USH2A: variants seen among roughly 807,000 people sequenced by gnomAD.
USH2A encodes the protein usherin.
USH2A carries 443 observed loss-of-function variants against 538.9 expected under a neutral mutation model. The observed-to-expected ratio is 0.82, with a 90% confidence interval of 0.76 to 0.89. The LOEUF is 0.89. Among genes scored for constraint, USH2A ranks in the 40% least tolerant of loss-of-function variants. The probability of loss-of-function intolerance (pLI) is 0.00; values close to 1 mark genes in which losing one functional copy is unlikely to be tolerated. For synonymous variants in USH2A, 2,413 were observed against 2,273.5 expected (o/e 1.06, Z -1.75); for missense variants, 6,633 against 6,324.8 (o/e 1.05, Z -1.65).
chr1:216,048,040 T>A (rs781000347), intron 31 of USH2A, among the ~76,000 whole-genome samples: 1 of 152,222 alleles, frequency 6.6e-6, no homozygotes, highest in Non-Finnish European at 1.5e-5. Flanking sequence ...AAGCAGTGAT[T>A]AATAATGCCT....
chr1:216,210,969 C>T (rs1465655113), intron 15 of USH2A, among the ~76,000 whole-genome samples: 1 of 142,992 alleles, frequency 7.0e-6, no homozygotes, highest in East Asian at 2.2e-4. Flanking sequence ...CAGAGCGAGA[C>T]TCTGTCTAAA....
chr1:216,400,202 C>T (rs575692674), intron 3 of USH2A, among the ~76,000 whole-genome samples: 113 of 118,920 alleles, frequency 9.5e-4, no homozygotes, highest in Non-Finnish European at 1.4e-3. Flanking sequence ...GAAACCCCAG[C>T]ATAGAAATAG....
intron 43 of USH2A, among the ~76,000 whole-genome samples, chr1:215,877,138 A>G (rs1664792142): frequency 6.6e-6 from 1 of 152,144 alleles, no homozygotes; most frequent in Non-Finnish European, 1.5e-5. Flanking sequence ...AAGTTAAGTG[A>G]TTTTTAAGTA....
chr1:215,792,577 C>T (rs1662010533), intron 50 of USH2A, among the ~76,000 whole-genome samples: 1 of 152,144 alleles, frequency 6.6e-6, no homozygotes, highest in Admixed American at 6.6e-5. Context: ...AAGACTGCAT[C>T]CATCACTGCA....
chr1:216,377,165 A>T (rs1384099340), intron 3 of USH2A, among the ~76,000 whole-genome samples: 1 of 152,218 alleles, frequency 6.6e-6, no homozygotes, highest in Non-Finnish European at 1.5e-5. Flanking sequence ...AAGCTCCTTC[A>T]GAGAACTGTA....
At chr1:215,981,455 C>T (rs1478078643) in intron 35 of USH2A, among the ~76,000 whole-genome samples, 2 of 152,062 alleles carry the variant, frequency 1.3e-5, no homozygotes, top group African/African-American at 4.8e-5. Flanking sequence ...AATAATACTA[C>T]TCACTGTAAA....
chr1:215,824,847 A>G (rs912093538), intron 47 of USH2A, among the ~76,000 whole-genome samples: 1 of 152,124 alleles, frequency 6.6e-6, no homozygotes, highest in African/African-American at 2.4e-5. Flanking sequence ...GGTGCTGAAT[A>G]TATTGGGGAG....
Position 215,877,759 on chromosome 1 carries a change from T to C in USH2A, c.8680A>G (p.Arg2894Gly), listed in dbSNP as rs1664810170. Residue 2894 changes from arginine (R) to glycine (G), a missense_variant and splice_region_variant, in exon 43 of 72, where the codon AGG becomes GGG. Coordinates refer to ENST00000307340, the MANE Select transcript of USH2A (RefSeq NM_206933.4). Reference protein sequence around the residue: ...QWLYEDKGLSRFTTYEYMLFV... With the variant: ...QWLYEDKGLSGFTTYEYMLFV... ...TTTTTATAGTTTTTGTAATCTCACC[T>C]GCTAAGACCCTTATCTTCATAAAGC... The C allele has an allele frequency of 6.2e-7, 1 of 1,613,708 alleles. No homozygotes were observed. The highest frequency in any genetic ancestry group is 1.1e-5 in the South Asian group (1 of 91,072).
chr1:215,672,820 T>C (rs749074816), intron 63 of USH2A, among the ~76,000 whole-genome samples: 14 of 152,268 alleles, frequency 9.2e-5, no homozygotes, highest in Non-Finnish European at 1.9e-4. Context: ...TTAGAGTGGA[T>C]AATGAAGAGA....
chr1:215,714,349 G>A (rs1659423220), intron 61 of USH2A, among the ~76,000 whole-genome samples: 1 of 152,142 alleles, frequency 6.6e-6, no homozygotes, highest in South Asian at 2.1e-4. Context: ...TTTAGTGGTA[G>A]TAACTTTTCA....
intron 38 of USH2A, among the ~76,000 whole-genome samples, chr1:215,914,596 C>T (rs947906507): frequency 6.6e-6 from 1 of 152,208 alleles, no homozygotes; most frequent in South Asian, 2.1e-4. Context: ...AAGAGCAACC[C>T]TTTCTCCCCC....
At chr1:215,819,579 A>T (rs1662953298) in intron 47 of USH2A, among the ~76,000 whole-genome samples, 1 of 151,798 alleles carries the variant, frequency 6.6e-6, no homozygotes, top group African/African-American at 2.4e-5. Flanking sequence ...AATTAATTCC[A>T]CATTCTGCAG....
At chr1:215,635,481 C>A (rs906635785) in intron 69 of USH2A, among the ~76,000 whole-genome samples, 2 of 151,960 alleles carry the variant, frequency 1.3e-5, no homozygotes, top group African/African-American at 2.4e-5. Flanking sequence ...GTACCTGGTG[C>A]CAGGTCCTAT....
Position 215,627,734 on chromosome 1 carries a change from C to T in USH2A, c.15519+1080G>A, listed in dbSNP as rs111851784. Among the ~76,000 whole-genome samples, 544 of 152,182 alleles carry T rather than the reference C, an allele frequency of 3.6e-3. 4 individuals carry two copies. The highest frequency in any genetic ancestry group is 0.013 in the African/African-American group (531 of 41,514). On this transcript the variant is annotated intron_variant, in intron 71 of 71. Transcript: ENST00000307340. ...AGAGACGAGGTTTCACCATGTTGGT[C>T]AGGCTGGTCTCTATCTAACTCTGGA...
chr1:215,753,408 A>T (rs941310092), intron 58 of USH2A, among the ~76,000 whole-genome samples: 2 of 152,164 alleles, frequency 1.3e-5, no homozygotes, highest in African/African-American at 2.4e-5. Flanking sequence ...CTTGGAACCA[A>T]CCCAAATGTC....
intron 55 of USH2A, among the ~76,000 whole-genome samples, chr1:215,779,322 G>C (rs1423626351): frequency 6.6e-6 from 1 of 151,796 alleles, no homozygotes; most frequent in Non-Finnish European, 1.5e-5. Flanking sequence ...ATATTATTAA[G>C]GCTAATGATA....
intron 17 of USH2A, 66 bp from the exon 18 acceptor site, chr1:216,198,650 A>G: frequency 6.7e-7 from 1 of 1,483,642 alleles, no homozygotes; most frequent in Non-Finnish European, 9.3e-7. Flanking sequence ...GGGGTAGGGT[A>G]GGGACAGGTC....
intron 71 of USH2A, among the ~76,000 whole-genome samples, chr1:215,627,433 C>CTTCCTTCCTTCT (rs1656082652): frequency 2.7e-5 from 2 of 74,764 alleles, no homozygotes; most frequent in African/African-American, 1.1e-4. Context: ...TCCTTCCTTC[C>CTTCCTTCCTTCT]TTCCTTCCTT....
intron 38 of USH2A, among the ~76,000 whole-genome samples, chr1:215,926,612 A>ATTTTTTT (rs1666243290): frequency 2.7e-4 from 5 of 18,480 alleles, no homozygotes; most frequent in East Asian, 2.0e-3. Context: ...TTACCTACCT[A>ATTTTTTT]TCTTTTTTTT....
Sources: allele counts gnomAD v4.1 joint callset (sites outside exome capture counted in the v4.1 genomes callset), GRCh38; gene constraint gnomAD v4.1.1; transcripts MANE v1.5; gene names NCBI Gene and HGNC (gene_info 2026-07-23, HGNC 2026-07-21).